KCNJ18: variants seen among roughly 807,000 people sequenced by gnomAD.
KCNJ18 encodes inward rectifier potassium channel 18.
A neutral mutation model predicts 17.3 loss-of-function variants in KCNJ18; 16 were observed. The observed-to-expected ratio is 0.92, with a 90% confidence interval of 0.62 to 1.40. The LOEUF (loss-of-function observed/expected upper bound fraction) is 1.40, where lower values mean the gene tolerates loss of function less well. KCNJ18 is among the 40% of genes most tolerant of loss of function. The probability of loss-of-function intolerance (pLI) is 0.00; values close to 1 mark genes in which losing one functional copy is unlikely to be tolerated. For missense variants in KCNJ18, 462 were observed against 626.8 expected (o/e 0.74, Z 2.81); for synonymous variants, 185 against 262.6 (o/e 0.70, Z 2.86).
intron 2 of KCNJ18, among the ~76,000 whole-genome samples, chr17:21,698,861 C>T (rs1182354388): frequency 6.5e-4 from 99 of 152,350 alleles, no homozygotes; most frequent in African/African-American, 1.9e-3. Context: ...GCCGGGCCCG[C>T]GCTCTCTCCC....
intron 2 of KCNJ18, among the ~76,000 whole-genome samples, chr17:21,701,612 G>A (rs1424931818): frequency 4.6e-5 from 7 of 152,176 alleles, no homozygotes; most frequent in Non-Finnish European, 8.8e-5. Flanking sequence ...CTAGGCCCTG[G>A]GAAGGACAAC....
At chr17:21,701,989 G>A (rs1905971129) in intron 2 of KCNJ18, among the ~76,000 whole-genome samples, 1 of 152,276 alleles carries the variant, frequency 6.6e-6, no homozygotes. Flanking sequence ...TCTCAGGGTG[G>A]GGTTGATGGT....
chr17:21,701,518 G>C (rs1316845566), intron 2 of KCNJ18, among the ~76,000 whole-genome samples: 6 of 152,206 alleles, frequency 3.9e-5, no homozygotes, highest in Non-Finnish European at 7.3e-5. Context: ...GAAGCTGCAA[G>C]CATGGCATGT....
intron 2 of KCNJ18, among the ~76,000 whole-genome samples, chr17:21,701,149 C>T (rs1905935579): frequency 1.3e-5 from 2 of 152,198 alleles, no homozygotes; most frequent in Admixed American, 1.3e-4. Flanking sequence ...CACTGACAGG[C>T]CGGTGTGGGG....
At chr17:21,697,485 A>G (rs1905795535) in intron 2 of KCNJ18, among the ~76,000 whole-genome samples, 1 of 152,306 alleles carries the variant, frequency 6.6e-6, no homozygotes, top group African/African-American at 2.4e-5. Context: ...AATGCCACCC[A>G]CCACTCTCCC....
In KCNJ18 at chr17:21,698,527, C is replaced by T. The variant is rs1271045220; in HGVS notation, c.-57+2423C>T. On this transcript the variant is annotated intron_variant, in intron 2 of 2. Transcript: ENST00000567955. Reference sequence around the variant, plus strand: ...TATGTCTTACCCTGGGTGATGCAGGCGCCTGCACTCTCCCTTCCAGTCAGT... The same window carrying T: ...TATGTCTTACCCTGGGTGATGCAGGTGCCTGCACTCTCCCTTCCAGTCAGT... 4.6e-5 allele frequency among the ~76,000 whole-genome samples: 7 copies of T among 152,094 alleles called. 1 individual carries two copies. Among genetic ancestry groups the T allele is most frequent in the Middle Eastern group, 3.4e-3 (1 of 294 alleles).
rs1343714664 is a variant in KCNJ18 at position 21,692,701 on chromosome 17, G to C, written c.-192G>C. On this transcript the variant is annotated 5_prime_UTR_variant, in exon 1 of 3. Coordinates refer to ENST00000567955, the MANE Select transcript of KCNJ18 (RefSeq NM_001194958.2). Reference sequence around the variant, plus strand: ...AAGCCAGGGCTTGGCTTACCCTCGTGACAGTCTCCCGAGGTGTGTGGGGTC... The same window carrying C: ...AAGCCAGGGCTTGGCTTACCCTCGTCACAGTCTCCCGAGGTGTGTGGGGTC... 1 of 153,014 alleles carries C rather than the reference G, an allele frequency of 6.5e-6. No individual in the cohort carries two copies. The highest frequency in any genetic ancestry group is 2.4e-5 in the African/African-American group (1 of 41,494). The allele number at this position is 153,014 out of a possible 1,614,324, so 9.5% of individuals were successfully genotyped here.
At position 21,704,545 on chromosome 17, in the gene KCNJ18, A is replaced by G; in HGVS notation, c.*457A>G. The G allele has an allele frequency of 6.1e-6, 1 of 165,240 alleles. No individual in the cohort carries two copies. The highest frequency in any genetic ancestry group is 1.4e-5 in the Non-Finnish European group (1 of 71,314). 10.2% of individuals were successfully genotyped at this position (165,240 alleles called of 1,614,324 possible). A position where few individuals can be genotyped will look rare whatever the true frequency, so the allele number is the denominator to read the frequency against. On this transcript the variant is annotated 3_prime_UTR_variant, in exon 3 of 3. Transcript: ENST00000567955. ...TTTACAAAAAAAAAAAAAACCATGC[A>G]ATTGGAGAAAAAAATTTTAATTCAT...
intron 2 of KCNJ18, among the ~76,000 whole-genome samples, chr17:21,699,491 T>TCA (rs1192536781): frequency 4.8e-4 from 71 of 147,766 alleles, no homozygotes; most frequent in Non-Finnish European, 7.0e-4. Flanking sequence ...TCTCTCTCTC[T>TCA]CACACACACA....
chr17:21,693,143 C>T (rs1323442943), intron 1 of KCNJ18, among the ~76,000 whole-genome samples: 8 of 152,304 alleles, frequency 5.3e-5, no homozygotes, highest in African/African-American at 1.7e-4. Context: ...TGGGACTTGG[C>T]GGGGTGAGCT....
chr17:21,697,482 C>A (rs1905795219), intron 2 of KCNJ18, among the ~76,000 whole-genome samples: 1 of 152,306 alleles, frequency 6.6e-6, no homozygotes, highest in Non-Finnish European at 1.5e-5. Context: ...AGGAATGCCA[C>A]CCACCACTCT....
intron 2 of KCNJ18, among the ~76,000 whole-genome samples, chr17:21,698,006 G>A (rs1393765258): frequency 1.3e-5 from 2 of 152,286 alleles, no homozygotes; most frequent in Admixed American, 6.5e-5. Context: ...TTGATCATGA[G>A]GTAGAGTGCC....
chr17:21,698,424 C>A (rs1374598566), intron 2 of KCNJ18, among the ~76,000 whole-genome samples: 62 of 152,140 alleles, frequency 4.1e-4, no homozygotes, highest in African/African-American at 1.4e-3. Context: ...TGTGTTCGTG[C>A]CTCATGAGGC....
chr17:21,698,789 C>G (rs1278293173), intron 2 of KCNJ18, among the ~76,000 whole-genome samples: 3 of 152,102 alleles, frequency 2.0e-5, no homozygotes, highest in Non-Finnish European at 4.4e-5. Context: ...GTGGACTGGT[C>G]GCTGGGAGGC....
chr17:21,704,345 G>A lies in KCNJ18; in HGVS notation c.*257G>A, dbSNP rs1318742839. On this transcript the variant is annotated 3_prime_UTR_variant, in exon 3 of 3. Coordinates refer to ENST00000567955, the MANE Select transcript of KCNJ18 (RefSeq NM_001194958.2). ...GGCCTCCTGGGGGGCCAGGCCACGG[G>A]GGCCAGGGCTTCTGCCTGAAGATGG... The A allele has an allele frequency of 4.2e-6, 2 of 475,934 alleles. No individual in the cohort carries two copies. Among genetic ancestry groups the A allele is most frequent in the African/African-American group, 1.9e-5 (1 of 51,344 alleles). 29.5% of individuals were successfully genotyped at this position (475,934 alleles called of 1,614,324 possible). A position where few individuals can be genotyped will look rare whatever the true frequency, so the allele number is the denominator to read the frequency against.
At chr17:21,699,339 C>T (rs1467922259) in intron 2 of KCNJ18, among the ~76,000 whole-genome samples, 1 of 152,148 alleles carries the variant, frequency 6.6e-6, no homozygotes, top group African/African-American at 2.4e-5. Flanking sequence ...CCTGTGTTTA[C>T]GCAGGAGTGT....
At chr17:21,701,134 C>G (rs1204414082) in intron 2 of KCNJ18, among the ~76,000 whole-genome samples, 203 of 149,506 alleles carry the variant, frequency 1.4e-3, no homozygotes, top group Admixed American at 2.6e-3. Context: ...GATGCCCTAG[C>G]CTGTCACTGA....
intron 1 of KCNJ18, among the ~76,000 whole-genome samples, chr17:21,695,617 C>T (rs1453480255): frequency 3.9e-5 from 6 of 152,300 alleles, no homozygotes; most frequent in Non-Finnish European, 8.8e-5. Flanking sequence ...GGAGAATTAC[C>T]ACATTAACTA....
chr17:21,702,587 G>T, intron 2 of KCNJ18, 144 bp from the exon 3 acceptor site: 1 of 743,404 alleles, frequency 1.3e-6, no homozygotes, highest in South Asian at 1.9e-5. Context: ...GGCGGAGTGG[G>T]GAGCTGGCTT....
Sources: gnomAD v4.1 joint callset for allele counts (sites outside exome capture counted in the v4.1 genomes callset) on GRCh38, gnomAD v4.1.1 for gene constraint, MANE v1.5 for transcripts, NCBI Gene and HGNC (gene_info 2026-07-23, HGNC 2026-07-21) for gene names.